The following PRKN variants were observed in gnomAD, a reference collection of about 807,000 sequenced individuals.
PRKN encodes E3 ubiquitin-protein ligase parkin.
Under a neutral mutation model 59.5 loss-of-function variants are expected in PRKN, and 56 were observed. The ratio of observed to expected loss-of-function variants is 0.94; its 90% CI spans 0.76 to 1.18. PRKN has a LOEUF of 1.18. Among genes scored for constraint, PRKN ranks in the 50% most tolerant of loss-of-function variants. The probability of loss-of-function intolerance (pLI) is 0.00; values close to 1 mark genes in which losing one functional copy is unlikely to be tolerated. For synonymous variants in PRKN, 250 were observed against 222.1 expected (o/e 1.13, Z -1.12); for missense variants, 657 against 596.4 (o/e 1.10, Z -1.06).
At chr6:162,541,635 A>G (rs945608233) in intron 1 of PRKN, among the ~76,000 whole-genome samples, 2 of 152,136 alleles carry the variant, frequency 1.3e-5, no homozygotes, top group African/African-American at 4.8e-5. Flanking sequence ...GAGTGGCCCA[A>G]AGAGCATTCT....
At chr6:162,215,010 T>C (rs886077892) in intron 3 of PRKN, among the ~76,000 whole-genome samples, 2 of 152,144 alleles carry the variant, frequency 1.3e-5, no homozygotes, top group African/African-American at 4.8e-5. Flanking sequence ...GGAATCCTTA[T>C]TTCATCCTAC....
At chr6:162,472,040 C>T (rs775999224) in intron 1 of PRKN, among the ~76,000 whole-genome samples, 1 of 152,126 alleles carries the variant, frequency 6.6e-6, no homozygotes, top group Non-Finnish European at 1.5e-5. Flanking sequence ...GATTGATGCA[C>T]ATCAAGTCAA....
intron 1 of PRKN, among the ~76,000 whole-genome samples, chr6:162,478,818 A>G (rs1037346823): frequency 2.0e-5 from 3 of 152,214 alleles, no homozygotes; most frequent in African/African-American, 7.2e-5. Context: ...ACATTTGTAT[A>G]TATAAACACA....
chr6:162,395,465 TATC>T (rs1787429226), intron 2 of PRKN, among the ~76,000 whole-genome samples: 2 of 152,184 alleles, frequency 1.3e-5, no homozygotes, highest in African/African-American at 4.8e-5. Context: ...GTGAATCTTC[TATC>T]ATCAGTTAAG....
At chr6:161,661,154 C>G (rs1177375789) in intron 7 of PRKN, among the ~76,000 whole-genome samples, 2 of 152,190 alleles carry the variant, frequency 1.3e-5, no homozygotes, top group Non-Finnish European at 2.9e-5. Flanking sequence ...AGCATGGTAG[C>G]CCCTAAAGTA....
At chr6:161,721,117 G>A (rs1432051884) in intron 7 of PRKN, among the ~76,000 whole-genome samples, 8 of 152,160 alleles carry the variant, frequency 5.3e-5, no homozygotes, top group South Asian at 4.1e-4. Flanking sequence ...AAAGTTTGTC[G>A]TTTGGGAAAG....
intron 6 of PRKN, among the ~76,000 whole-genome samples, chr6:161,943,099 T>C (rs1779626240): frequency 6.6e-6 from 1 of 152,212 alleles, no homozygotes; most frequent in Admixed American, 6.5e-5. Context: ...GCAGAAAGTG[T>C]CTTAATTTAG....
chr6:161,874,464 A>AAT (rs1244145731), intron 6 of PRKN, among the ~76,000 whole-genome samples: 2 of 65,384 alleles, frequency 3.1e-5, no homozygotes, highest in African/African-American at 1.5e-4. Context: ...TTATATGTAA[A>AAT]ATATATTATA....
intron 6 of PRKN, among the ~76,000 whole-genome samples, chr6:161,892,876 T>C (rs2128232532): frequency 6.6e-6 from 1 of 152,370 alleles, no homozygotes; most frequent in South Asian, 2.1e-4. Context: ...GGAGTCTCAC[T>C]CTATCACCCA....
At chr6:161,947,520 C>T (rs1447986758) in intron 6 of PRKN, among the ~76,000 whole-genome samples, 2 of 152,162 alleles carry the variant, frequency 1.3e-5, no homozygotes, top group Non-Finnish European at 2.9e-5. Context: ...CCTGTGACTA[C>T]AGGAGGCAGC....
intron 8 of PRKN, among the ~76,000 whole-genome samples, chr6:161,567,877 T>C (rs1422353747): frequency 1.3e-5 from 2 of 152,208 alleles, no homozygotes; most frequent in Non-Finnish European, 2.9e-5. Flanking sequence ...CAGTGATTCT[T>C]GCTTTAAGAA....
At chr6:162,577,211 TATAAAC>T (rs1339700540) in intron 1 of PRKN, among the ~76,000 whole-genome samples, 1 of 151,488 alleles carries the variant, frequency 6.6e-6, no homozygotes, top group Non-Finnish European at 1.5e-5. Flanking sequence ...TAAGCAAAGA[TATAAAC>T]AGATAACTTA....
intron 1 of PRKN, among the ~76,000 whole-genome samples, chr6:162,716,440 C>T (rs1479092005): frequency 6.6e-6 from 1 of 152,136 alleles, no homozygotes; most frequent in African/African-American, 2.4e-5. Context: ...TAAACTATTC[C>T]AGGGAGCATG....
chr6:162,414,078 G>A (rs1464355482), intron 2 of PRKN, among the ~76,000 whole-genome samples: 2 of 152,168 alleles, frequency 1.3e-5, no homozygotes, highest in Non-Finnish European at 2.9e-5. Flanking sequence ...AGCTACTCGG[G>A]AGGCTGAAGC....
At chr6:162,673,055 A>G (rs900949030) in intron 1 of PRKN, among the ~76,000 whole-genome samples, 7 of 152,238 alleles carry the variant, frequency 4.6e-5, no homozygotes, top group Admixed American at 3.9e-4. Flanking sequence ...TCAATATGTA[A>G]GTTATAAACA....
chr6:161,606,212 A>G (rs1013466681), intron 7 of PRKN, among the ~76,000 whole-genome samples: 1 of 152,204 alleles, frequency 6.6e-6, no homozygotes, highest in Admixed American at 6.5e-5. Context: ...TGATATTGGA[A>G]GGCCAATGTG....
At chr6:161,645,355 C>T (rs183072433) in intron 7 of PRKN, among the ~76,000 whole-genome samples, 9 of 152,154 alleles carry the variant, frequency 5.9e-5, no homozygotes, top group Admixed American at 3.9e-4. Context: ...CTGAAACGCA[C>T]TTGACAAAGG....
At chr6:161,366,838 C>T (rs1785218969) in intron 10 of PRKN, among the ~76,000 whole-genome samples, 1 of 151,908 alleles carries the variant, frequency 6.6e-6, no homozygotes, top group Admixed American at 6.5e-5. Context: ...TTGTTCTGAC[C>T]CCGAGGCACC....
At chr6:161,572,383 C>T (rs183152929) in intron 7 of PRKN, among the ~76,000 whole-genome samples, 77 of 152,080 alleles carry the variant, frequency 5.1e-4, no homozygotes, top group Admixed American at 9.8e-4. Flanking sequence ...AAATCCTGGC[C>T]GGGCATGGTG....
Sources: gnomAD v4.1 joint callset for allele counts (sites outside exome capture counted in the v4.1 genomes callset) on GRCh38, gnomAD v4.1.1 for gene constraint, MANE v1.5 for transcripts, NCBI Gene and HGNC (gene_info 2026-07-23, HGNC 2026-07-21) for gene names.